VANGL1: variants seen among roughly 807,000 people sequenced by gnomAD.
VANGL1 encodes the protein vang-like protein 1.
A neutral mutation model predicts 48.4 loss-of-function variants in VANGL1; 18 were observed. That is an observed-to-expected ratio of 0.37 (90% confidence interval 0.26 to 0.55). VANGL1 has a LOEUF of 0.55. VANGL1 is among the 20% of genes least tolerant of loss of function. The probability of loss-of-function intolerance (pLI) is 0.81; values close to 1 mark genes in which losing one functional copy is unlikely to be tolerated. For synonymous variants in VANGL1, 257 were observed against 261.8 expected (o/e 0.98, Z 0.18); for missense variants, 667 against 675.8 (o/e 0.99, Z 0.14).
intron 2 of VANGL1, among the ~76,000 whole-genome samples, chr1:115,655,351 G>A (rs761261534): frequency 2.1e-4 from 32 of 152,346 alleles, no homozygotes; most frequent in East Asian, 3.9e-4. Context: ...TAGCTGGAAC[G>A]AGGAGGGTGA....
At chr1:115,661,719 G>A (rs1652560039) in intron 3 of VANGL1, among the ~76,000 whole-genome samples, 1 of 151,996 alleles carries the variant, frequency 6.6e-6, no homozygotes, top group Non-Finnish European at 1.5e-5. Flanking sequence ...CCGGGTTCAA[G>A]CGATTCTCCT....
chr1:115,680,502 T>C (rs1414908557), intron 4 of VANGL1, among the ~76,000 whole-genome samples: 1 of 152,192 alleles, frequency 6.6e-6, no homozygotes, highest in Non-Finnish European at 1.5e-5. Flanking sequence ...GAGTCTTAGG[T>C]TTACTTCCAT....
At chr1:115,643,848 C>G (rs569263509) in intron 1 of VANGL1, among the ~76,000 whole-genome samples, 38 of 152,298 alleles carry the variant, frequency 2.5e-4, no homozygotes, top group African/African-American at 8.2e-4. Context: ...CCCCTTAACA[C>G]ACTTATATAC....
chr1:115,677,099 G>A (rs771349725), intron 4 of VANGL1, among the ~76,000 whole-genome samples: 2 of 152,220 alleles, frequency 1.3e-5, no homozygotes, highest in Non-Finnish European at 2.9e-5. Context: ...CAGAGCATGG[G>A]GAGGCAGTGG....
At position 115,695,961 on chromosome 1, in the gene VANGL1, A is replaced by G. The variant is rs982760594; in HGVS notation, c.*4582A>G. 2 of 152,166 alleles carry G rather than the reference A, an allele frequency of 1.3e-5. No individual in the cohort carries two copies. The highest frequency in any genetic ancestry group is 2.9e-5 in the Non-Finnish European group (2 of 68,030). 9.4% of individuals were successfully genotyped at this position (152,166 alleles called of 1,614,324 possible). A position where few individuals can be genotyped will look rare whatever the true frequency, so the allele number is the denominator to read the frequency against. On this transcript the variant is annotated 3_prime_UTR_variant, in exon 8 of 8. Coordinates refer to ENST00000355485, the MANE Select transcript of VANGL1 (RefSeq NM_138959.3). ...GGATCTCTTCTTTCACTTTGGATTTACACCTTGTCCCTTGGAAAGCTTCTC... is the reference window on the plus strand; with the variant it reads ...GGATCTCTTCTTTCACTTTGGATTTGCACCTTGTCCCTTGGAAAGCTTCTC...
chr1:115,650,391 A>G (rs1413916601), intron 1 of VANGL1, among the ~76,000 whole-genome samples: 2 of 152,152 alleles, frequency 1.3e-5, no homozygotes, highest in Admixed American at 1.3e-4. Context: ...TCAGGAATGT[A>G]CTTGGAAATG....
At chr1:115,659,515 G>C (rs1652466029) in intron 2 of VANGL1, 126 bp from the exon 3 acceptor site, 2 of 1,160,516 alleles carry the variant, frequency 1.7e-6, no homozygotes, top group South Asian at 1.3e-5. Context: ...CTGTGTGTGT[G>C]TGTGTGTGTG....
rs146723580 is a variant in VANGL1 at position 115,663,768 on chromosome 1, G to C, written c.312G>C (p.Gly104=). ...GCAAGGACATGGAGGACAGCGTGGG[G>C]CTGGATTGCAAACGCTACCTGGGCC... is the stretch of plus-strand genomic sequence containing the variant. ...RISKDMEDSV[G]LDCKRYLGLT... is the part of the protein sequence containing the mutation. The change falls in exon 4 of 8, where the codon GGG becomes GGC. Residue 104 remains glycine, a synonymous_variant. Coordinates refer to ENST00000355485, the MANE Select transcript of VANGL1 (RefSeq NM_138959.3). 3.1e-6 allele frequency: 5 copies of C among 1,614,098 alleles called. No individual in the cohort carries two copies. Among genetic ancestry groups the C allele is most frequent in the Non-Finnish European group, 4.2e-6 (5 of 1,180,046 alleles).
rs1363323364 is a variant in VANGL1 at position 115,680,518 on chromosome 1, A to G, written c.813-1846A>G. Among the ~76,000 whole-genome samples the G allele has an allele frequency of 3.9e-5, 6 of 152,346 alleles. No individual in the cohort carries two copies. The East Asian group carries it at 1.2e-3, about 29-fold the overall frequency. Reference sequence around the variant, plus strand: ...AGTCTTAGGTTTACTTCCATTATGCAAAGTTGGTCTCACCGGATTTCCCCT... The same window carrying G: ...AGTCTTAGGTTTACTTCCATTATGCGAAGTTGGTCTCACCGGATTTCCCCT... On this transcript the variant is annotated intron_variant, in intron 4 of 7. Transcript: ENST00000355485.
At chr1:115,667,629 C>T (rs968156951) in intron 4 of VANGL1, among the ~76,000 whole-genome samples, 1 of 152,190 alleles carries the variant, frequency 6.6e-6, no homozygotes, top group African/African-American at 2.4e-5. Context: ...CCGCTTACCC[C>T]ACCGCACTTT....
At position 115,663,849 on chromosome 1, in the gene VANGL1, C is replaced by T. The variant is rs1482695115; in HGVS notation, c.393C>T (p.Ile131=). The T allele has an allele frequency of 2.5e-6, 4 of 1,614,216 alleles. No individual in the cohort carries two copies. Among genetic ancestry groups the T allele is most frequent in the Non-Finnish European group, 3.4e-6 (4 of 1,180,048 alleles). Residue 131 remains isoleucine, a synonymous_variant, in exon 4 of 8, where the codon ATC becomes ATT. Transcript: ENST00000355485. ...TTTTCCTCACCCCTATTGCCTTCAT[C>T]CTTTTACCTCCGATCCTGTGGAGGG... ...LLVFLTPIAF[I]LLPPILWRDE...
At chr1:115,662,809 C>T (rs1370784187) in intron 3 of VANGL1, among the ~76,000 whole-genome samples, 4 of 139,208 alleles carry the variant, frequency 2.9e-5, no homozygotes, top group Non-Finnish European at 6.1e-5. Context: ...TTTTTTGAGA[C>T]GGAGTCTCAC....
chr1:115,650,854 A>C (rs1422232348), intron 1 of VANGL1, among the ~76,000 whole-genome samples: 2 of 149,496 alleles, frequency 1.3e-5, no homozygotes, highest in East Asian at 1.9e-4. Context: ...TTTTTTTTTA[A>C]TTGACTTTTG....
At chr1:115,688,993 G>A (rs1277599562) in intron 7 of VANGL1, among the ~76,000 whole-genome samples, 6 of 134,932 alleles carry the variant, frequency 4.4e-5, no homozygotes, top group East Asian at 2.1e-4. Flanking sequence ...GGGTTTCACC[G>A]TGTTAGCCAG....
rs114179404 is a variant in VANGL1, at chr1:115,658,111, G to C, written c.72-1530G>C. On this transcript the variant is annotated intron_variant, in intron 2 of 7. Transcript: ENST00000355485. The stretch of plus-strand genomic sequence containing the variant: ...CTATCTGAACTGTATCAGCAATAGA[G>C]TGTGATTATAAGTTATGCTGTAGGA... 3.5e-3 allele frequency among the ~76,000 whole-genome samples: 538 copies of C among 152,330 alleles called. 1 individual carries two copies. Among genetic ancestry groups the C allele is most frequent in the Non-Finnish European group, 6.1e-3 (417 of 68,040 alleles).
chr1:115,662,385 C>G (rs1242865680), intron 3 of VANGL1, among the ~76,000 whole-genome samples: 2 of 152,210 alleles, frequency 1.3e-5, no homozygotes, highest in African/African-American at 4.8e-5. Flanking sequence ...AGGATACATA[C>G]AAATTTCAGA....
intron 2 of VANGL1, among the ~76,000 whole-genome samples, chr1:115,655,159 G>C (rs904563163): frequency 6.6e-6 from 1 of 152,168 alleles, no homozygotes; most frequent in East Asian, 1.9e-4. Flanking sequence ...GCAGCCAGCC[G>C]GGCCCCAGCA....
intron 3 of VANGL1, among the ~76,000 whole-genome samples, chr1:115,661,990 T>C (rs1466420433): frequency 2.6e-5 from 4 of 152,194 alleles, no homozygotes; most frequent in African/African-American, 9.7e-5. Flanking sequence ...TAAGTGTATA[T>C]TTAGATTTAT....
chr1:115,662,046 ACTTCC>A (rs1336688407), intron 3 of VANGL1, among the ~76,000 whole-genome samples: 4 of 152,322 alleles, frequency 2.6e-5, no homozygotes, highest in Non-Finnish European at 5.9e-5. Context: ...ACCACGGTCC[ACTTCC>A]ACCAGCAGTG....
Sources: allele counts gnomAD v4.1 joint callset (sites outside exome capture counted in the v4.1 genomes callset), GRCh38; gene constraint gnomAD v4.1.1; transcripts MANE v1.5; gene names NCBI Gene and HGNC (gene_info 2026-07-23, HGNC 2026-07-21).